The following FOXP1 variants were observed in gnomAD, a reference collection of about 807,000 sequenced individuals.
FOXP1 encodes forkhead box protein P1.
Under a neutral mutation model 98.2 loss-of-function variants are expected in FOXP1, and 15 were observed. The observed-to-expected ratio is 0.15, with a 90% CI of 0.10 to 0.24. The LOEUF (loss-of-function observed/expected upper bound fraction) is 0.24. FOXP1 is among the 10% of genes least tolerant of loss of function. FOXP1 has a pLI of 1.00. For synonymous variants in FOXP1, 371 were observed against 314.5 expected (o/e 1.18, Z -1.90); for missense variants, 633 against 848.5 (o/e 0.75, Z 3.15).
At chr3:71,424,721 G>A (rs1257131467) in intron 3 of FOXP1, among the ~76,000 whole-genome samples, 3 of 152,206 alleles carry the variant, frequency 2.0e-5, no homozygotes, top group African/African-American at 7.2e-5. Flanking sequence ...TGTCACTGCC[G>A]AGCTGAAGAA....
intron 17 of FOXP1, among the ~76,000 whole-genome samples, chr3:70,974,743 GA>G (rs2037137079): frequency 6.6e-6 from 1 of 152,186 alleles, no homozygotes; most frequent in Non-Finnish European, 1.5e-5. Context: ...GATATAACTT[GA>G]AAAGAAGTCA....
chr3:71,487,346 C>T (rs1435643262), intron 3 of FOXP1, among the ~76,000 whole-genome samples: 1 of 152,198 alleles, frequency 6.6e-6, no homozygotes, highest in African/African-American at 2.4e-5. Context: ...GCATGAGCCA[C>T]AGCACCCAGC....
intron 2 of FOXP1, among the ~76,000 whole-genome samples, chr3:71,552,429 A>G (rs1169043248): frequency 6.6e-6 from 1 of 152,066 alleles, no homozygotes; most frequent in East Asian, 1.9e-4. Context: ...AATAAAAAGG[A>G]ATACTTGAAT....
intron 4 of FOXP1, among the ~76,000 whole-genome samples, chr3:71,346,190 C>T (rs1226180966): frequency 6.6e-6 from 1 of 152,162 alleles, no homozygotes; most frequent in Non-Finnish European, 1.5e-5. Context: ...AGGCGAATGC[C>T]AAGAACAGTC....
intron 3 of FOXP1, among the ~76,000 whole-genome samples, chr3:71,389,088 T>G (rs573855985): frequency 6.6e-6 from 1 of 152,232 alleles, no homozygotes; most frequent in East Asian, 1.9e-4. Flanking sequence ...TTAGTATTTG[T>G]GTACTGATAG....
At chr3:71,223,693 CAAAAAAAA>C (rs34686001) in intron 5 of FOXP1, among the ~76,000 whole-genome samples, 2 of 90,122 alleles carry the variant, frequency 2.2e-5, no homozygotes, top group African/African-American at 7.0e-5. Context: ...GACTACGTCT[CAAAAAAAA>C]AAAAAAAAAA....
At chr3:70,978,084 G>T in intron 14 of FOXP1, 55 bp from the exon 15 acceptor site, 1 of 1,453,504 alleles carries the variant, frequency 6.9e-7, no homozygotes, top group Non-Finnish European at 9.7e-7. Flanking sequence ...GAGCAACCCA[G>T]GAACCACATC....
chr3:71,062,553 T>C (rs2051675527), intron 7 of FOXP1, among the ~76,000 whole-genome samples: 2 of 152,252 alleles, frequency 1.3e-5, no homozygotes, highest in African/African-American at 2.4e-5. Context: ...GACATTATCA[T>C]AGCTTAGCCA....
intron 2 of FOXP1, among the ~76,000 whole-genome samples, chr3:71,532,894 GGACA>G (rs1325147605): frequency 6.6e-6 from 1 of 152,102 alleles, no homozygotes; most frequent in Non-Finnish European, 1.5e-5. Flanking sequence ...GCGAGGCGGG[GGACA>G]GGATCTACTG....
Position 71,112,685 on chromosome 3 carries a change from G to A in FOXP1, c.181-48C>T, listed in dbSNP as rs765531821. The A allele has an allele frequency of 4.9e-5, 68 of 1,388,692 alleles. 1 individual carries two copies. The highest frequency in any genetic ancestry group is 6.5e-5 in the Non-Finnish European group (63 of 975,112). 86.0% of individuals were successfully genotyped at this position (1,388,692 alleles called of 1,614,324 possible). On this transcript the variant is annotated intron_variant, in intron 6 of 20. Coordinates refer to ENST00000649528, the MANE Select transcript of FOXP1 (RefSeq NM_001349338.3). Reference sequence around the variant, plus strand: ...CCTTTGCGTTACTACACAGGTTCAGGGGACTCTTCATAAAAAAGGATTCCA... The same window carrying A: ...CCTTTGCGTTACTACACAGGTTCAGAGGACTCTTCATAAAAAAGGATTCCA...
At chr3:71,261,251 C>T (rs1057033711) in intron 5 of FOXP1, among the ~76,000 whole-genome samples, 3 of 151,956 alleles carry the variant, frequency 2.0e-5, no homozygotes, top group Admixed American at 1.3e-4. Context: ...TTTAATAAAT[C>T]GATATAAATA....
At chr3:71,343,056 T>C (rs771717197) in intron 4 of FOXP1, among the ~76,000 whole-genome samples, 26 of 152,222 alleles carry the variant, frequency 1.7e-4, no homozygotes, top group Non-Finnish European at 3.7e-4. Flanking sequence ...ATGGTGCTAG[T>C]ATATTGCTTA....
rs115518244 is a variant in FOXP1 at position 71,466,677 on chromosome 3, C to T, written c.-168+26749G>A. Among the ~76,000 whole-genome samples, 802 of 152,256 alleles carry T rather than the reference C, an allele frequency of 5.3e-3. 8 individuals carry two copies. The highest frequency in any genetic ancestry group is 0.01 in the Admixed American group (157 of 15,296). ...CAATGGAGGCGGAGTCTGATGCTGA[C>T]TCAGCGCTGAGTGCAGGGACGTGAG... On this transcript the variant is annotated intron_variant, in intron 3 of 20. Transcript: ENST00000649528.
chr3:71,134,361 T>C (rs1471486455), intron 6 of FOXP1, among the ~76,000 whole-genome samples: 1 of 152,102 alleles, frequency 6.6e-6, no homozygotes, highest in Non-Finnish European at 1.5e-5. Context: ...AAATACATGA[T>C]AGCAAGGCCA....
chr3:71,163,405 T>C (rs998392484), intron 6 of FOXP1, among the ~76,000 whole-genome samples: 1 of 152,218 alleles, frequency 6.6e-6, no homozygotes, highest in Non-Finnish European at 1.5e-5. Context: ...GTTTGAAATA[T>C]GTAGTAGACA....
rs150447358 is a variant in FOXP1 at position 71,476,195 on chromosome 3, G to A, written c.-168+17231C>T. ...TTCTCCCAATCAGGTTATAATCCATGAGGGAATCTTTATGGATGTGTTGTG... is the reference window on the plus strand; with the variant it reads ...TTCTCCCAATCAGGTTATAATCCATAAGGGAATCTTTATGGATGTGTTGTG... On this transcript the variant is annotated intron_variant, in intron 3 of 20. Transcript: ENST00000649528. Among the ~76,000 whole-genome samples, 235 of 152,312 alleles carry A rather than the reference G, an allele frequency of 1.5e-3. 2 individuals are homozygous for A. The highest frequency in any genetic ancestry group is 5.4e-3 in the African/African-American group (226 of 41,564).
intron 2 of FOXP1, among the ~76,000 whole-genome samples, chr3:71,533,388 T>C (rs1373756431): frequency 1.3e-5 from 2 of 152,272 alleles, no homozygotes; most frequent in African/African-American, 2.4e-5. Context: ...ATATTTTGTC[T>C]TCCTTATGAT....
chr3:70,973,244 G>GC (rs747949694), intron 17 of FOXP1, among the ~76,000 whole-genome samples: 779 of 58,988 alleles, frequency 0.013, 8 homozygotes, highest in East Asian at 0.097. Context: ...CCCCGCCCCC[G>GC]CCCCGCCCCG....
chr3:71,558,051 C>G (rs1157948420), intron 2 of FOXP1, among the ~76,000 whole-genome samples: 1 of 152,172 alleles, frequency 6.6e-6, no homozygotes, highest in Non-Finnish European at 1.5e-5. Flanking sequence ...CCACCTAGGC[C>G]TCCCAAAGTG....
Sources: allele counts gnomAD v4.1 joint callset (sites outside exome capture counted in the v4.1 genomes callset), GRCh38; gene constraint gnomAD v4.1.1; transcripts MANE v1.5; gene names NCBI Gene and HGNC (gene_info 2026-07-23, HGNC 2026-07-21).